SCARA5: variants seen among roughly 807,000 people sequenced by gnomAD.
SCARA5 encodes scavenger receptor class A member 5.
A neutral mutation model predicts 46.3 loss-of-function variants in SCARA5; 45 were observed. The ratio of observed to expected loss-of-function variants is 0.97; its 90% confidence interval spans 0.76 to 1.24. The LOEUF is 1.24. Among genes scored for constraint, SCARA5 ranks in the 50% most tolerant of loss-of-function variants. SCARA5 has a pLI of 0.00. For synonymous variants in SCARA5, 333 were observed against 306.5 expected (o/e 1.09, Z -0.90); for missense variants, 680 against 689.0 (o/e 0.99, Z 0.15).
intron 7 of SCARA5, among the ~76,000 whole-genome samples, chr8:27,892,371 G>C (rs1336971441): frequency 3.3e-5 from 5 of 152,138 alleles, no homozygotes; most frequent in African/African-American, 1.2e-4. Context: ...CTGGTTCTTG[G>C]GACTGGAAAA....
In SCARA5 at chr8:27,876,626, C is replaced by T. The variant is rs75699863; in HGVS notation, c.1351+2943G>A. 0.013 allele frequency among the ~76,000 whole-genome samples: 2,001 copies of T among 152,206 alleles called. 99 individuals carry two copies. The East Asian group carries it at 0.13, about 10-fold the overall frequency. ...CCATTGGAGAAGCCCATGGGGCATC[C>T]GAGTGCACCTGTCAGGAAGGTCACC... On this transcript the variant is annotated intron_variant, in intron 8 of 8. Coordinates refer to ENST00000354914, the MANE Select transcript of SCARA5 (RefSeq NM_173833.6).
chr8:27,935,905 G>T (rs2129856884), intron 3 of SCARA5, among the ~76,000 whole-genome samples: 1 of 152,322 alleles, frequency 6.6e-6, no homozygotes, highest in Non-Finnish European at 1.5e-5. Context: ...ACCCAGGGAG[G>T]AGGGCAGCAC....
At chr8:27,935,377 G>T (rs1807838330) in intron 3 of SCARA5, among the ~76,000 whole-genome samples, 1 of 152,146 alleles carries the variant, frequency 6.6e-6, no homozygotes, top group Non-Finnish European at 1.5e-5. Flanking sequence ...CAACAGGGGG[G>T]TTAGCAAGAC....
At chr8:27,964,079 G>A (rs1465436954) in intron 3 of SCARA5, among the ~76,000 whole-genome samples, 2 of 152,066 alleles carry the variant, frequency 1.3e-5, no homozygotes, top group Non-Finnish European at 2.9e-5. Context: ...CCCTGATCTT[G>A]GTATCTCTGA....
At chr8:27,920,775 A>G (rs1807570041) in intron 4 of SCARA5, among the ~76,000 whole-genome samples, 1 of 152,124 alleles carries the variant, frequency 6.6e-6, no homozygotes, top group African/African-American at 2.4e-5. Flanking sequence ...ACTGCCCCCC[A>G]GCCTGGGCAA....
chr8:27,921,406 C>T (rs1408283259), intron 4 of SCARA5, among the ~76,000 whole-genome samples, 165 bp downstream of exon 4: 1 of 150,780 alleles, frequency 6.6e-6, no homozygotes, highest in East Asian at 2.0e-4. Flanking sequence ...CAGAAAATTC[C>T]AGAGTCCTGT....
chr8:27,972,329 C>CAAAACAAAACAA (rs143348020), intron 2 of SCARA5, among the ~76,000 whole-genome samples: 1 of 151,194 alleles, frequency 6.6e-6, no homozygotes, highest in Non-Finnish European at 1.5e-5. Context: ...AAAAACAAAA[C>CAAAACAAAACAA]AAAACAAAAC....
intron 2 of SCARA5, among the ~76,000 whole-genome samples, chr8:27,980,071 G>A (rs542101790): frequency 3.0e-4 from 45 of 152,326 alleles, no homozygotes; most frequent in Middle Eastern, 3.4e-3. Flanking sequence ...CAGTAGGAGG[G>A]AGGAGAGAGG....
intron 2 of SCARA5, among the ~76,000 whole-genome samples, chr8:27,982,058 G>T (rs1290041440): frequency 1.3e-5 from 2 of 152,182 alleles, no homozygotes; most frequent in Non-Finnish European, 2.9e-5. Context: ...GGAATGGGGA[G>T]GCCGGGCCTG....
Position 27,933,249 on chromosome 8 carries a change from C to T in SCARA5, c.242-11004G>A, listed in dbSNP as rs1423485247. ...AGAACAGGGCAGATTCAGCTGGGCA[C>T]AGTGGCTCACGCCTGTAATCCTAGC... On this transcript the variant is annotated intron_variant, in intron 3 of 8. Transcript: ENST00000354914. Among the ~76,000 whole-genome samples the T allele has an allele frequency of 2.0e-5, 3 of 152,006 alleles. No homozygotes were observed. In the East Asian group the frequency reaches 5.8e-4, roughly 29 times the overall value.
rs777436368 is a variant in SCARA5, at chr8:27,872,023, C to T, written c.1399G>A (p.Glu467Lys). 34 of 1,614,118 alleles carry T rather than the reference C, an allele frequency of 2.1e-5. 1 individual carries two copies. The highest frequency in any genetic ancestry group is 2.8e-5 in the Non-Finnish European group (33 of 1,180,046). ...GAGAAGCTGCAGCGGAAGATGGTTTCCTCTGTGCCCTTGCAGGCAACGTCA... is the reference window on the plus strand; with the variant it reads ...GAGAAGCTGCAGCGGAAGATGGTTTTCTCTGTGCCCTTGCAGGCAACGTCA... ...MDDVACKGTEETIFRCSFSKW... is the reference protein window; with the variant it reads ...MDDVACKGTEKTIFRCSFSKW... Residue 467 changes from glutamate to lysine, a missense_variant, in exon 9 of 9, where the codon GAA becomes AAA. Around this residue, in one of 3 missense-constraint regions of SCARA5, gnomAD observed 219 missense variants for 269.5 expected, o/e 0.81. Coordinates refer to ENST00000354914, the MANE Select transcript of SCARA5 (RefSeq NM_173833.6).
At chr8:27,892,603 ACC>A (rs200107766) in intron 7 of SCARA5, among the ~76,000 whole-genome samples, 1 of 98,120 alleles carries the variant, frequency 1.0e-5, no homozygotes, top group Admixed American at 1.0e-4. Flanking sequence ...TCCATACCTC[ACC>A]CTTTTTTTTT....
At chr8:27,900,664 TA>T (rs1028282694) in intron 7 of SCARA5, among the ~76,000 whole-genome samples, 1 of 152,052 alleles carries the variant, frequency 6.6e-6, no homozygotes, top group South Asian at 2.1e-4. Context: ...CTGTGGGACT[TA>T]AAAAAAACCT....
intron 7 of SCARA5, 55 bp downstream of exon 7, chr8:27,904,723 G>A (rs758867779): frequency 1.9e-5 from 29 of 1,487,460 alleles, no homozygotes; most frequent in Non-Finnish European, 7.5e-6. Context: ...CTGCTTGGGG[G>A]ACAGCTAGCC....
At chr8:27,884,433 T>A (rs1585462701) in intron 7 of SCARA5, among the ~76,000 whole-genome samples, 1 of 152,330 alleles carries the variant, frequency 6.6e-6, no homozygotes, top group Admixed American at 6.5e-5. Context: ...TGGCCCTGGG[T>A]TGGCTGAGGC....
At chr8:27,897,645 G>T (rs1378364957) in intron 7 of SCARA5, among the ~76,000 whole-genome samples, 3 of 152,030 alleles carry the variant, frequency 2.0e-5, no homozygotes, top group Non-Finnish European at 4.4e-5. Flanking sequence ...AGGCTCGGCT[G>T]CCTGTGTACG....
intron 3 of SCARA5, among the ~76,000 whole-genome samples, chr8:27,953,389 G>A (rs571455469): frequency 1.8e-4 from 28 of 152,332 alleles, no homozygotes; most frequent in African/African-American, 4.1e-4. Flanking sequence ...TTTCATTGAC[G>A]CATTGCTCTG....
chr8:27,887,724 G>A (rs1806919855), intron 7 of SCARA5, among the ~76,000 whole-genome samples: 1 of 152,140 alleles, frequency 6.6e-6, no homozygotes. Flanking sequence ...GGGACCACAA[G>A]CCCGAGATGG....
At chr8:27,975,471 C>A (rs924075373) in intron 2 of SCARA5, among the ~76,000 whole-genome samples, 2 of 151,872 alleles carry the variant, frequency 1.3e-5, no homozygotes, top group Non-Finnish European at 2.9e-5. Flanking sequence ...GAAGTGGGTG[C>A]GGGGTGGGAG....
Sources: gnomAD v4.1 joint callset for allele counts (sites outside exome capture counted in the v4.1 genomes callset) on GRCh38, gnomAD v4.1.1 for gene constraint, gnomAD v4.1.1 regional missense constraint, MANE v1.5 for transcripts, NCBI Gene and HGNC (gene_info 2026-07-23, HGNC 2026-07-21) for gene names.